The following NELL1 variants were observed in gnomAD, a reference collection of about 807,000 sequenced individuals.
The protein encoded by NELL1 is neural EGFL like 1.
A neutral mutation model predicts 107.4 loss-of-function variants in NELL1; 76 were observed. That is an observed-to-expected ratio of 0.71 (90% CI 0.59 to 0.86). The LOEUF is 0.86. NELL1 is among the 40% of genes least tolerant of loss of function. NELL1 has a pLI of 0.00. For missense variants in NELL1, 1,024 were observed against 1,005.5 expected (o/e 1.02, Z -0.25); for synonymous variants, 353 against 341.2 (o/e 1.03, Z -0.38).
intron 14 of NELL1, among the ~76,000 whole-genome samples, chr11:21,317,416 T>G (rs1375197635): frequency 6.6e-6 from 1 of 152,034 alleles, no homozygotes; most frequent in Non-Finnish European, 1.5e-5. Context: ...GGATTATTAG[T>G]ACAAATTTTG....
At chr11:21,230,495 A>C (rs1409139290) in intron 14 of NELL1, among the ~76,000 whole-genome samples, 1 of 152,228 alleles carries the variant, frequency 6.6e-6, no homozygotes, top group Non-Finnish European at 1.5e-5. Context: ...ATCATAACGA[A>C]AAAATAGGCA....
chr11:20,950,896 C>A (rs1285208526), intron 11 of NELL1, among the ~76,000 whole-genome samples: 1 of 152,206 alleles, frequency 6.6e-6, no homozygotes, highest in South Asian at 2.1e-4. Flanking sequence ...CCTTTCAACA[C>A]CTGCACCGAA....
chr11:20,677,205 C>T (rs1854080061), intron 1 of NELL1, among the ~76,000 whole-genome samples: 1 of 152,212 alleles, frequency 6.6e-6, no homozygotes, highest in Non-Finnish European at 1.5e-5. Flanking sequence ...GCCAGTCCCT[C>T]TGCCACCCTT....
intron 13 of NELL1, among the ~76,000 whole-genome samples, chr11:21,211,693 G>A (rs1238654755): frequency 6.6e-6 from 1 of 152,158 alleles, no homozygotes; most frequent in Non-Finnish European, 1.5e-5. Flanking sequence ...ATGTGCAAAT[G>A]AGTTTGAGAG....
Position 21,183,867 on chromosome 11 carries a change from G to A in NELL1, c.1427-45465G>A, listed in dbSNP as rs147202589. Among the ~76,000 whole-genome samples the A allele has an allele frequency of 3.5e-3, 529 of 151,962 alleles. 18 individuals carry two copies. The highest frequency in any genetic ancestry group is 0.012 in the African/African-American group (499 of 41,232). On this transcript the variant is annotated intron_variant, in intron 13 of 19. Coordinates refer to ENST00000357134, the MANE Select transcript of NELL1 (RefSeq NM_006157.5). ...TCTCTGAACAAGTGAGATTGAGGGAGGGTAAAGGGAAATAGCTTCACTAGT... is the reference window on the plus strand; with the variant it reads ...TCTCTGAACAAGTGAGATTGAGGGAAGGTAAAGGGAAATAGCTTCACTAGT...
chr11:21,559,946 G>A (rs1375387185), intron 16 of NELL1, among the ~76,000 whole-genome samples: 2 of 152,002 alleles, frequency 1.3e-5, no homozygotes, highest in East Asian at 1.9e-4. Context: ...CTATGACAGT[G>A]GTCATGTTAT....
chr11:21,263,876 C>A (rs969906654), intron 14 of NELL1, among the ~76,000 whole-genome samples: 15 of 151,734 alleles, frequency 9.9e-5, no homozygotes, highest in African/African-American at 3.1e-4. Context: ...ATTCTCACAG[C>A]CTTTATAGGT....
intron 14 of NELL1, among the ~76,000 whole-genome samples, chr11:21,314,471 A>G (rs1849828584): frequency 6.6e-6 from 1 of 152,168 alleles, no homozygotes; most frequent in Admixed American, 6.6e-5. Flanking sequence ...AGTAGAAATA[A>G]GGCACTTTAG....
At chr11:20,683,316 C>T (rs952041870) in intron 2 of NELL1, among the ~76,000 whole-genome samples, 5 of 151,532 alleles carry the variant, frequency 3.3e-5, no homozygotes, top group African/African-American at 7.3e-5. Context: ...TTTTTTTCCC[C>T]AACTTTTGTT....
intron 14 of NELL1, among the ~76,000 whole-genome samples, chr11:21,326,082 G>GTTTTTTTTTTTTT (rs1850131682): frequency 2.4e-5 from 1 of 41,070 alleles, no homozygotes; most frequent in Non-Finnish European, 4.5e-5. Flanking sequence ...TTTTTTTTTT[G>GTTTTTTTTTTTTT]GGCTATTTTG....
At chr11:21,282,478 C>CAAAA (rs35632941) in intron 14 of NELL1, among the ~76,000 whole-genome samples, 6 of 74,468 alleles carry the variant, frequency 8.1e-5, no homozygotes, top group Non-Finnish European at 1.0e-4. Flanking sequence ...GACTCTGTCT[C>CAAAA]AAAAAAAAAA....
chr11:21,318,479 A>C (rs1849929468), intron 14 of NELL1, among the ~76,000 whole-genome samples: 1 of 152,158 alleles, frequency 6.6e-6, no homozygotes, highest in Non-Finnish European at 1.5e-5. Flanking sequence ...TTTGAAACAA[A>C]GTTATTATTG....
intron 10 of NELL1, among the ~76,000 whole-genome samples, chr11:20,939,124 G>C (rs1460965788): frequency 6.6e-6 from 1 of 152,050 alleles, no homozygotes; most frequent in Non-Finnish European, 1.5e-5. Flanking sequence ...TACAGGAAAA[G>C]AGATTCAAGA....
At chr11:21,501,730 A>T (rs528434573) in intron 15 of NELL1, among the ~76,000 whole-genome samples, 1 of 152,324 alleles carries the variant, frequency 6.6e-6, no homozygotes, top group Non-Finnish European at 1.5e-5. Flanking sequence ...GTTTTCTTCT[A>T]TATGGGCTTC....
At chr11:21,213,596 T>C (rs531893416) in intron 13 of NELL1, among the ~76,000 whole-genome samples, 51 of 152,272 alleles carry the variant, frequency 3.3e-4, no homozygotes, top group Non-Finnish European at 6.6e-4. Context: ...AAGGATTTCT[T>C]TATAGATACT....
chr11:21,051,440 G>A (rs1166204033), intron 12 of NELL1, among the ~76,000 whole-genome samples: 1 of 151,966 alleles, frequency 6.6e-6, no homozygotes, highest in African/African-American at 2.4e-5. Flanking sequence ...CGTGTACACT[G>A]CTCGGGTGAT....
chr11:21,549,291 T>A (rs1372958834), intron 16 of NELL1, among the ~76,000 whole-genome samples: 1 of 151,944 alleles, frequency 6.6e-6, no homozygotes, highest in East Asian at 1.9e-4. Flanking sequence ...AAGAGTATAA[T>A]GTATAAGAGT....
At chr11:21,352,534 T>G (rs1850840965) in intron 14 of NELL1, among the ~76,000 whole-genome samples, 1 of 152,172 alleles carries the variant, frequency 6.6e-6, no homozygotes. Flanking sequence ...AAATTTTAAG[T>G]GCAATATTAC....
chr11:21,297,103 C>T (rs113054352), intron 14 of NELL1, among the ~76,000 whole-genome samples: 1,855 of 151,806 alleles, frequency 0.012, 16 homozygotes, highest in Non-Finnish European at 0.02. Flanking sequence ...CTATCTGCAG[C>T]ATTCTGTGGG....
Sources: allele counts gnomAD v4.1 joint callset (sites outside exome capture counted in the v4.1 genomes callset), GRCh38; gene constraint gnomAD v4.1.1; transcripts MANE v1.5; gene names NCBI Gene and HGNC (gene_info 2026-07-23, HGNC 2026-07-21).